Variants in BCAS3 observed in about 807,000 individuals in gnomAD.
BCAS3 encodes the protein BCAS4/BCAS3 fusion.
Under a neutral mutation model 116.1 loss-of-function variants are expected in BCAS3, and 53 were observed. The ratio of observed to expected loss-of-function variants is 0.46; its 90% CI spans 0.37 to 0.57. The LOEUF is 0.57. BCAS3 is among the 20% of genes least tolerant of loss of function. The pLI is 0.00. For synonymous variants in BCAS3, 391 were observed against 408.2 expected, an observed-to-expected ratio of 0.96 and a Z score of 0.51; for missense variants, 917 against 1,165.4, an observed-to-expected ratio of 0.79 and a Z score of 3.10.
intron 22 of BCAS3, among the ~76,000 whole-genome samples, chr17:61,116,245 A>AAAT (rs1555725307): frequency 3.2e-5 from 2 of 63,376 alleles, no homozygotes; most frequent in South Asian, 9.0e-4. Flanking sequence ...GTATAATAAA[A>AAAT]AAATAAATAA....
At chr17:60,930,735 G>C (rs1168856790) in intron 13 of BCAS3, among the ~76,000 whole-genome samples, 1 of 152,230 alleles carries the variant, frequency 6.6e-6, no homozygotes, top group Non-Finnish European at 1.5e-5. Flanking sequence ...TGGGATTACA[G>C]ACGTGAGCCA....
intron 6 of BCAS3, among the ~76,000 whole-genome samples, chr17:60,769,786 T>A (rs2044478461): frequency 6.6e-6 from 1 of 152,022 alleles, no homozygotes; most frequent in South Asian, 2.1e-4. Context: ...TTTTTTTTTA[T>A]TTTTTGGAGA....
chr17:61,279,876 C>A lies in BCAS3; in HGVS notation c.2426-88451C>A, dbSNP rs2144662798. ...TGGCAGTACCAGCTTTGCTAAATCT[C>A]CTTTGGCTCACTTTTTCTCCCTCTC... On this transcript the variant is annotated intron_variant, in intron 22 of 23. Transcript: ENST00000407086. The surrounding 1 kb of genome is among the most constrained non-coding windows in gnomAD (Gnocchi z 4.4). 6.6e-6 allele frequency among the ~76,000 whole-genome samples: 1 copy of A among 152,186 alleles called. No homozygotes were observed. The highest frequency in any genetic ancestry group is 1.5e-5 in the Non-Finnish European group (1 of 68,022).
intron 22 of BCAS3, among the ~76,000 whole-genome samples, chr17:61,296,508 G>C (rs937282850): frequency 2.6e-5 from 4 of 152,176 alleles, no homozygotes; most frequent in Non-Finnish European, 1.5e-5. Context: ...ATGAAATAGA[G>C]CCCGAATATT....
intron 7 of BCAS3, among the ~76,000 whole-genome samples, chr17:60,839,272 C>G (rs2051663292): frequency 6.6e-6 from 1 of 152,168 alleles, no homozygotes; most frequent in Non-Finnish European, 1.5e-5. Context: ...GATAGTCTTT[C>G]TAACACATCT....
At chr17:61,247,221 A>G (rs749541320) in intron 22 of BCAS3, among the ~76,000 whole-genome samples, 3 of 152,008 alleles carry the variant, frequency 2.0e-5, no homozygotes, top group Non-Finnish European at 4.4e-5. Flanking sequence ...GTTTTTAAAA[A>G]CCTGAACCAT....
At position 61,095,130 on chromosome 17, in the gene BCAS3, A is replaced by C. The variant is rs541044611; in HGVS notation, c.2425+10566A>C. On this transcript the variant is annotated intron_variant, in intron 22 of 23. Transcript: ENST00000407086. This position sits in a 1 kb window ranked among gnomAD's most constrained non-coding sequence, Gnocchi z 4.7. ...AAGGAAGAATATCCCCAGAACCTGA[A>C]AATGCTATTAATATACTTTATCTTT... 6.6e-6 allele frequency among the ~76,000 whole-genome samples: 1 copy of C among 152,346 alleles called. No individual in the cohort carries two copies. Among genetic ancestry groups the C allele is most frequent in the African/African-American group, 2.4e-5 (1 of 41,578 alleles).
At chr17:61,135,421 C>T (rs1025190093) in intron 22 of BCAS3, among the ~76,000 whole-genome samples, 8 of 152,218 alleles carry the variant, frequency 5.3e-5, no homozygotes, top group African/African-American at 1.9e-4. Context: ...CATACCATTT[C>T]ATTGTAAGTA....
In BCAS3 at chr17:61,045,904, A is replaced by AT. The variant is rs2068081884; in HGVS notation, c.2029+5012_2029+5013insT. On this transcript the variant is annotated intron_variant, in intron 19 of 23. Coordinates refer to ENST00000407086, the MANE Select transcript of BCAS3 (RefSeq NM_017679.5). ...ATATATTATATATATAATATATATA[A>AT]ATATATATTTATATATATAATATAT... Among the ~76,000 whole-genome samples, 3 of 32,974 alleles carry AT rather than the reference A, an allele frequency of 9.1e-5. No homozygotes were observed. The African/African-American group carries it at 1.4e-3, about 15-fold the overall frequency. The allele number at this position is 32,974 out of a possible 152,430, so 21.6% of individuals were successfully genotyped here. A position where few individuals can be genotyped will look rare whatever the true frequency, so the allele number is the denominator to read the frequency against.
chr17:60,782,561 GTTATTATTA>G (rs59139545), intron 6 of BCAS3, among the ~76,000 whole-genome samples: 13,695 of 142,400 alleles, frequency 0.096, 667 homozygotes, highest in Middle Eastern at 0.14. Flanking sequence ...GTCTTTATAA[GTTATTATTA>G]TTATTATTAT....
intron 23 of BCAS3, among the ~76,000 whole-genome samples, chr17:61,373,571 C>T (rs2059161991): frequency 6.6e-6 from 1 of 150,574 alleles, no homozygotes; most frequent in Non-Finnish European, 1.5e-5. Flanking sequence ...AGGCCCTTTC[C>T]TGAGTGGCCA....
intron 22 of BCAS3, among the ~76,000 whole-genome samples, chr17:61,238,284 A>G (rs4968540): frequency 1 from 149,880 of 150,402 alleles, 74,681 homozygotes; most frequent in Middle Eastern, 1. Flanking sequence ...GCGCAGTGGC[A>G]TGATCTTGGC....
intron 6 of BCAS3, among the ~76,000 whole-genome samples, chr17:60,804,981 T>TC (rs376236881): frequency 6.6e-6 from 1 of 151,418 alleles, no homozygotes; most frequent in Non-Finnish European, 1.5e-5. Context: ...TTTTTTTTTT[T>TC]CCCCCAAGCA....
rs569602209 is a variant in BCAS3, at chr17:61,199,145, A to G, written c.2425+114581A>G. On this transcript the variant is annotated intron_variant, in intron 22 of 23. Coordinates refer to ENST00000407086, the MANE Select transcript of BCAS3 (RefSeq NM_017679.5). The surrounding 1 kb of genome is among the most constrained non-coding windows in gnomAD (Gnocchi z 4.6). ...TTTAACCTTTTCCAATCCTTAATACATTTGTGGTCTTACTGGGATATGCCA... is the reference window on the plus strand; with the variant it reads ...TTTAACCTTTTCCAATCCTTAATACGTTTGTGGTCTTACTGGGATATGCCA... 3.6e-4 allele frequency among the ~76,000 whole-genome samples: 55 copies of G among 152,254 alleles called. No individual in the cohort carries two copies. The highest frequency in any genetic ancestry group is 7.4e-4 in the Non-Finnish European group (50 of 68,004).
intron 6 of BCAS3, among the ~76,000 whole-genome samples, chr17:60,752,941 C>T (rs2042620945): frequency 6.6e-6 from 1 of 152,126 alleles, no homozygotes; most frequent in Non-Finnish European, 1.5e-5. Context: ...AACTCCTAGG[C>T]TCAAGCAATC....
intron 7 of BCAS3, among the ~76,000 whole-genome samples, chr17:60,814,020 G>C (rs866859254): frequency 7.9e-5 from 12 of 151,934 alleles, no homozygotes; most frequent in Admixed American, 7.9e-4. Flanking sequence ...GCTCTTTTTT[G>C]TTCTATATGA....
intron 7 of BCAS3, among the ~76,000 whole-genome samples, chr17:60,828,286 T>G (rs1047723666): frequency 6.6e-6 from 1 of 152,198 alleles, no homozygotes; most frequent in African/African-American, 2.4e-5. Context: ...TGAAAAGAGA[T>G]CACTGTTGTG....
intron 12 of BCAS3, among the ~76,000 whole-genome samples, 187 bp from the exon 13 acceptor site, chr17:60,924,220 G>A (rs1222387027): frequency 2.0e-5 from 3 of 152,122 alleles, no homozygotes; most frequent in African/African-American, 7.2e-5. Context: ...ACTGATGTGC[G>A]TGGGGGCATG....
intron 7 of BCAS3, among the ~76,000 whole-genome samples, chr17:60,827,088 G>C (rs183004353): frequency 6.6e-6 from 1 of 152,186 alleles, no homozygotes; most frequent in Admixed American, 6.5e-5. Flanking sequence ...GGGTTTTGGA[G>C]TCACATAGAC....
Sources: gnomAD v4.1 joint callset for allele counts (sites outside exome capture counted in the v4.1 genomes callset) on GRCh38, gnomAD v4.1.1 for gene constraint, Gnocchi (gnomAD v3.1) non-coding constraint, MANE v1.5 for transcripts, NCBI Gene and HGNC (gene_info 2026-07-23, HGNC 2026-07-21) for gene names.